The following PGM1 variants were observed in gnomAD, a reference collection of about 807,000 sequenced individuals.
PGM1 encodes phosphoglucomutase-1.
Under a neutral mutation model 55.6 loss-of-function variants are expected in PGM1, and 52 were observed. The observed-to-expected ratio is 0.94, with a 90% confidence interval of 0.75 to 1.18. The LOEUF (loss-of-function observed/expected upper bound fraction) is 1.18, where lower values mean the gene tolerates loss of function less well. Ranked by LOEUF, PGM1 falls within the 50% of genes most tolerant of loss-of-function variation. The pLI, the probability that PGM1 is intolerant of heterozygous loss-of-function variation, is 0.00. For synonymous variants in PGM1, 287 were observed against 271.7 expected (o/e 1.06, Z -0.55); for missense variants, 724 against 729.3 (o/e 0.99, Z 0.08).
rs753850767 is a variant in PGM1 at position 63,623,639 on chromosome 1, G to A, written c.247-5786G>A. 4 of 1,612,422 alleles carry A rather than the reference G, an allele frequency of 2.5e-6. No homozygotes were observed. The South Asian group carries it at 4.4e-5, about 18-fold the overall frequency. The stretch of plus-strand genomic sequence containing the variant: ...TGCTATCTGGAGAATTTCATCCAGA[G>A]TATATTCTTTTCCATAGACCTAAAA... On this transcript the variant is annotated intron_variant, in intron 1 of 10. Coordinates refer to ENST00000371084, the MANE Select transcript of PGM1 (RefSeq NM_002633.3).
intron 4 of PGM1, among the ~76,000 whole-genome samples, chr1:63,633,892 GTGTGTGTGTGT>G (rs1649269243): frequency 8.7e-5 from 4 of 45,994 alleles, no homozygotes; most frequent in Non-Finnish European, 1.6e-4. Context: ...GTGTGTGTGT[GTGTGTGTGTGT>G]GTGTGTGTGT....
intron 1 of PGM1, among the ~76,000 whole-genome samples, chr1:63,604,251 A>G (rs191551900): frequency 1.1e-4 from 16 of 152,350 alleles, no homozygotes; most frequent in Non-Finnish European, 2.1e-4. Flanking sequence ...CAGACACTCA[A>G]AACAACAGTG....
At chr1:63,626,908 T>C (rs1476089690) in intron 1 of PGM1, among the ~76,000 whole-genome samples, 1 of 152,088 alleles carries the variant, frequency 6.6e-6, no homozygotes, top group Non-Finnish European at 1.5e-5. Context: ...CACCATTGTA[T>C]TTTGTGTTTC....
At position 63,631,877 on chromosome 1, in the gene PGM1, GTC is replaced by G. The variant is rs764924845; in HGVS notation, c.682+101_682+102del. On this transcript the variant is annotated intron_variant, in intron 4 of 10. Coordinates refer to ENST00000371084, the MANE Select transcript of PGM1 (RefSeq NM_002633.3). ...GATGCTTCAACAAGCCTTTTCTCAA[GTC>G]TCTCTGATGGTTTTTAAATAGAGTT... The G allele has an allele frequency of 2.1e-4, 252 of 1,201,250 alleles. 1 individual carries two copies. The highest frequency in any genetic ancestry group is 5.4e-5 in the Non-Finnish European group (44 of 808,814). 74.4% of individuals were successfully genotyped at this position (1,201,250 alleles called of 1,614,324 possible). A position where few individuals can be genotyped will look rare whatever the true frequency, so the allele number is the denominator to read the frequency against.
intron 6 of PGM1, among the ~76,000 whole-genome samples, chr1:63,638,067 G>A (rs1438525301): frequency 6.6e-6 from 1 of 152,150 alleles, no homozygotes; most frequent in Non-Finnish European, 1.5e-5. Flanking sequence ...AGAAATAAAA[G>A]ACGTGTTAGA....
chr1:63,615,383 G>A lies in PGM1; in HGVS notation c.247-14042G>A, dbSNP rs184913716. On this transcript the variant is annotated intron_variant, in intron 1 of 10. Transcript: ENST00000371084. ...ACTCTCTGCATTTTATGGAAACTCT[G>A]GCTTACAAGGACCCCATCGAAAAGG... Among the ~76,000 whole-genome samples the A allele has an allele frequency of 1.2e-3, 177 of 152,044 alleles. 1 individual carries two copies. The highest frequency in any genetic ancestry group is 3.9e-4 in the East Asian group (2 of 5,154).
intron 1 of PGM1, among the ~76,000 whole-genome samples, chr1:63,625,613 G>A (rs146685194): frequency 8.3e-4 from 127 of 152,316 alleles, no homozygotes; most frequent in African/African-American, 2.8e-3. Context: ...CACAGATTTT[G>A]ACAAAAGTCA....
At chr1:63,599,760 C>T (rs941914303) in intron 1 of PGM1, among the ~76,000 whole-genome samples, 1 of 152,154 alleles carries the variant, frequency 6.6e-6, no homozygotes, top group Non-Finnish European at 1.5e-5. Flanking sequence ...CACTGCACTC[C>T]AGCCTTGGCG....
At chr1:63,659,551 A>G in intron 10 of PGM1, 35 bp from the exon 11 acceptor site, 11 of 1,527,146 alleles carry the variant, frequency 7.2e-6, no homozygotes, top group Non-Finnish European at 1.0e-5. Context: ...GTTTAGAGGA[A>G]GTGATGGAAA....
At chr1:63,631,502 A>G (rs1210529693) in intron 3 of PGM1, among the ~76,000 whole-genome samples, 155 bp from the exon 4 acceptor site, 2 of 152,260 alleles carry the variant, frequency 1.3e-5, no homozygotes, top group African/African-American at 4.8e-5. Flanking sequence ...ATTAGATAGT[A>G]TCGGATATCA....
intron 1 of PGM1, among the ~76,000 whole-genome samples, chr1:63,624,530 G>T (rs1648972067): frequency 6.6e-6 from 1 of 152,190 alleles, no homozygotes; most frequent in Admixed American, 6.5e-5. Flanking sequence ...CTGGTTTCCA[G>T]GAAGGTGGGC....
chr1:63,651,931 T>C lies in PGM1; in HGVS notation c.1464+79T>C, dbSNP rs1649821984. The stretch of plus-strand genomic sequence containing the variant: ...ACATCTCAAGGGAAAAATTAAAAAG[T>C]TCCTGTTGGCTATTTTTCTTTTGCT... On this transcript the variant is annotated intron_variant, in intron 9 of 10. Transcript: ENST00000371084. 7.4e-6 allele frequency: 10 copies of C among 1,343,490 alleles called. No individual in the cohort carries two copies. The Admixed American group carries it at 1.2e-4, about 16-fold the overall frequency. The allele number at this position is 1,343,490 out of a possible 1,614,324, so 83.2% of individuals were successfully genotyped here.
chr1:63,594,522 C>T (rs1310056727), intron 1 of PGM1, among the ~76,000 whole-genome samples: 1 of 151,972 alleles, frequency 6.6e-6, no homozygotes, highest in Non-Finnish European at 1.5e-5. Context: ...GCAGTCGTGG[C>T]AGGCCAGGAA....
intron 1 of PGM1, among the ~76,000 whole-genome samples, chr1:63,625,439 T>TG (rs1180537056): frequency 3.3e-5 from 5 of 152,206 alleles, no homozygotes; most frequent in Non-Finnish European, 7.3e-5. Flanking sequence ...AAAATATTAG[T>TG]GGACTGGATA....
At chr1:63,627,053 ACCC>A (rs56944675) in intron 1 of PGM1, among the ~76,000 whole-genome samples, 82 of 93,202 alleles carry the variant, frequency 8.8e-4, no homozygotes, top group South Asian at 5.6e-3. Flanking sequence ...ATATGGCAGG[ACCC>A]CCCCCCCCCC....
intron 10 of PGM1, among the ~76,000 whole-genome samples, chr1:63,656,876 A>G (rs1362162091): frequency 6.6e-6 from 1 of 152,166 alleles, no homozygotes; most frequent in African/African-American, 2.4e-5. Flanking sequence ...AATTTCAGTT[A>G]TGTAGGATGT....
chr1:63,650,563 A>G (rs1331782395), intron 8 of PGM1, among the ~76,000 whole-genome samples: 1 of 152,186 alleles, frequency 6.6e-6, no homozygotes. Context: ...ATTCCTCAGC[A>G]TTTCTCATGT....
At chr1:63,628,315 T>C (rs1649093039) in intron 1 of PGM1, among the ~76,000 whole-genome samples, 1 of 152,138 alleles carries the variant, frequency 6.6e-6, no homozygotes, top group South Asian at 2.1e-4. Flanking sequence ...ACAAAAATTG[T>C]TCGGAGATTG....
At chr1:63,633,933 T>TA (rs1491392697) in intron 4 of PGM1, among the ~76,000 whole-genome samples, 1,374 of 43,470 alleles carry the variant, frequency 0.032, 21 homozygotes, top group African/African-American at 0.043. Flanking sequence ...TATATATATA[T>TA]TTTTTTTTTT....
Sources: allele counts gnomAD v4.1 joint callset (sites outside exome capture counted in the v4.1 genomes callset), GRCh38; gene constraint gnomAD v4.1.1; transcripts MANE v1.5; gene names NCBI Gene and HGNC (gene_info 2026-07-23, HGNC 2026-07-21).